SLC9A9: variants seen among roughly 807,000 people sequenced by gnomAD.
The protein encoded by SLC9A9 is sodium/hydrogen exchanger 9.
Under a neutral mutation model 77.8 loss-of-function variants are expected in SLC9A9, and 62 were observed. That is an observed-to-expected ratio of 0.80 (90% CI 0.65 to 0.98). SLC9A9 has a LOEUF of 0.98. Among genes scored for constraint, SLC9A9 ranks in the 50% least tolerant of loss-of-function variants. The probability of loss-of-function intolerance (pLI) is 0.00; values close to 1 mark genes in which losing one functional copy is unlikely to be tolerated. For synonymous variants in SLC9A9, 320 were observed against 283.5 expected (o/e 1.13, Z -1.29); for missense variants, 775 against 774.9 (o/e 1.00, Z 0.00).
Position 143,578,595 on chromosome 3 carries a change from A to G in SLC9A9, c.884T>C (p.Ile295Thr). The stretch of plus-strand genomic sequence containing the variant: ...ACAGACAAAGGATATCAGTGCTGTG[A>G]TGATGGCATACGCAGACCCCATTGC... Reference protein sequence around the residue: ...SFAMGSAYAIITALLTKFTKL... With the variant: ...SFAMGSAYAITTALLTKFTKL... The change falls in exon 7 of 16, where the codon ATC becomes ACC. Residue 295 changes from isoleucine (I) to threonine (T), a missense_variant. By Grantham distance (89) the Ile-to-Thr change is moderately conservative. Transcript: ENST00000316549. The G allele has an allele frequency of 6.2e-7, 1 of 1,613,992 alleles. No homozygotes were observed. The highest frequency in any genetic ancestry group is 8.5e-7 in the Non-Finnish European group (1 of 1,179,898).
At chr3:143,289,658 C>T (rs541590896) in intron 14 of SLC9A9, among the ~76,000 whole-genome samples, 6 of 152,298 alleles carry the variant, frequency 3.9e-5, no homozygotes, top group African/African-American at 9.6e-5. Context: ...AAGACCTCCC[C>T]TATCCATCTA....
intron 6 of SLC9A9, among the ~76,000 whole-genome samples, chr3:143,617,089 G>T (rs1046097636): frequency 1.3e-5 from 2 of 152,176 alleles, no homozygotes; most frequent in African/African-American, 2.4e-5. Flanking sequence ...ATTCAGTCTT[G>T]ATGATGGATG....
chr3:143,632,748 A>C (rs1373470165), intron 6 of SLC9A9, among the ~76,000 whole-genome samples: 1 of 152,196 alleles, frequency 6.6e-6, no homozygotes, highest in Admixed American at 6.5e-5. Context: ...TTTCATTTGT[A>C]TTTTTAGAAG....
chr3:143,485,256 T>C (rs1194866586), intron 11 of SLC9A9, among the ~76,000 whole-genome samples: 1 of 152,134 alleles, frequency 6.6e-6, no homozygotes, highest in Admixed American at 6.5e-5. Context: ...GCAGACAAAA[T>C]CGCCACCATT....
intron 8 of SLC9A9, among the ~76,000 whole-genome samples, chr3:143,563,823 A>T (rs1038679513): frequency 6.6e-6 from 1 of 152,158 alleles, no homozygotes; most frequent in Non-Finnish European, 1.5e-5. Context: ...AATGTCTGTA[A>T]TATAAATGGT....
At chr3:143,685,984 A>G (rs940360802) in intron 5 of SLC9A9, among the ~76,000 whole-genome samples, 12 of 152,202 alleles carry the variant, frequency 7.9e-5, no homozygotes, top group African/African-American at 2.9e-4. Flanking sequence ...AAACTGATAA[A>G]GCCACTCAGC....
chr3:143,477,759 C>A (rs1232022724), intron 11 of SLC9A9, among the ~76,000 whole-genome samples: 1 of 152,118 alleles, frequency 6.6e-6, no homozygotes. Flanking sequence ...GAATCACAGA[C>A]TATTTTTTAA....
intron 2 of SLC9A9, among the ~76,000 whole-genome samples, chr3:143,829,368 C>T (rs746499813): frequency 6.6e-5 from 10 of 152,122 alleles, no homozygotes; most frequent in Non-Finnish European, 1.0e-4. Flanking sequence ...TTTCATGAAG[C>T]CCTCTTCAAT....
intron 1 of SLC9A9, among the ~76,000 whole-genome samples, chr3:143,844,396 G>T (rs1576766940): frequency 6.6e-6 from 1 of 152,256 alleles, no homozygotes; most frequent in African/African-American, 2.4e-5. Flanking sequence ...ACATGTCAAA[G>T]GAATACTGGC....
At chr3:143,559,246 G>A (rs2037041364) in intron 8 of SLC9A9, among the ~76,000 whole-genome samples, 1 of 152,040 alleles carries the variant, frequency 6.6e-6, no homozygotes, top group Non-Finnish European at 1.5e-5. Context: ...CCTTTATATT[G>A]GAACAAGTGG....
intron 14 of SLC9A9, among the ~76,000 whole-genome samples, chr3:143,309,277 G>A (rs1003123729): frequency 2.0e-5 from 3 of 152,116 alleles, no homozygotes; most frequent in Admixed American, 2.0e-4. Flanking sequence ...AATGGGATAG[G>A]CAGATGGTAG....
At chr3:143,525,656 T>C (rs897752035) in intron 9 of SLC9A9, among the ~76,000 whole-genome samples, 1 of 152,196 alleles carries the variant, frequency 6.6e-6, no homozygotes, top group Admixed American at 6.5e-5. Context: ...CCAAGGAACA[T>C]GTTGTCCCTT....
chr3:143,549,803 A>G (rs1425478577), intron 9 of SLC9A9, among the ~76,000 whole-genome samples: 3 of 152,172 alleles, frequency 2.0e-5, no homozygotes, highest in Non-Finnish European at 4.4e-5. Flanking sequence ...GTCCCTAAAC[A>G]GGGTTCAGCT....
chr3:143,732,293 T>G (rs1340376390), intron 4 of SLC9A9, among the ~76,000 whole-genome samples: 1 of 152,236 alleles, frequency 6.6e-6, no homozygotes, highest in East Asian at 1.9e-4. Context: ...TTAGTTTAGA[T>G]TCCCAAGTCC....
At chr3:143,644,764 C>CTT (rs879419996) in intron 6 of SLC9A9, among the ~76,000 whole-genome samples, 4 of 146,238 alleles carry the variant, frequency 2.7e-5, no homozygotes, top group African/African-American at 1.0e-4. Context: ...ACAGCCATAA[C>CTT]TTTTTTTTTT....
chr3:143,327,836 A>G (rs992409701), intron 14 of SLC9A9, among the ~76,000 whole-genome samples: 1 of 152,244 alleles, frequency 6.6e-6, no homozygotes, highest in African/African-American at 2.4e-5. Flanking sequence ...AAAAATCATG[A>G]GATCATTTTT....
At chr3:143,832,867 TG>T (rs1176357752) in intron 1 of SLC9A9, among the ~76,000 whole-genome samples, 6 of 152,036 alleles carry the variant, frequency 3.9e-5, no homozygotes, top group Non-Finnish European at 7.4e-5. Flanking sequence ...TCAACCAGCC[TG>T]CCCTAGAGCT....
rs1576534280 is a variant in SLC9A9, at chr3:143,493,754, A to C, written c.1214T>G (p.Phe405Cys). The change falls in exon 11 of 16, where the codon TTT (phenylalanine) becomes TGT (cysteine). Residue 405 changes from phenylalanine to cysteine, a missense_variant. Coordinates refer to ENST00000316549, the MANE Select transcript of SLC9A9 (RefSeq NM_173653.4). ...LFILGAFLAI[F>C]VARACNIYPL... ...ATATATGTTGCAGGCTCTGGCAACA[A>C]AAATTGCTAGCTGTAGATAAGCACA... 1 of 1,613,324 alleles carries C rather than the reference A, an allele frequency of 6.2e-7. No homozygotes were observed.
intron 11 of SLC9A9, among the ~76,000 whole-genome samples, chr3:143,476,878 T>C (rs1304682264): frequency 2.0e-5 from 3 of 152,274 alleles, no homozygotes; most frequent in East Asian, 3.9e-4. Context: ...TTAAACATTC[T>C]GCAATGTTCA....
Sources: allele counts gnomAD v4.1 joint callset (sites outside exome capture counted in the v4.1 genomes callset), GRCh38; gene constraint gnomAD v4.1.1; transcripts MANE v1.5; gene names NCBI Gene and HGNC (gene_info 2026-07-23, HGNC 2026-07-21).